ANO3: variants seen among roughly 807,000 people sequenced by gnomAD.
The protein encoded by ANO3 is anoctamin-3.
In ANO3, 99 loss-of-function variants were observed where a neutral mutation model predicts 144.8. The observed-to-expected ratio is 0.68, with a 90% CI of 0.58 to 0.81. The LOEUF (loss-of-function observed/expected upper bound fraction) is 0.81. Among genes scored for constraint, ANO3 ranks in the 30% least tolerant of loss-of-function variants. The probability of loss-of-function intolerance (pLI) is 0.00; values close to 1 mark genes in which losing one functional copy is unlikely to be tolerated. For synonymous variants in ANO3, 414 were observed against 392.6 expected (o/e 1.05, Z -0.64); for missense variants, 905 against 1,202.2 (o/e 0.75, Z 3.66).
exon 1 of ANO3, among the ~76,000 whole-genome samples, chr11:26,188,896 G>A (rs35688550): frequency 0.34 from 51,621 of 151,950 alleles, 9,186 homozygotes; most frequent in Non-Finnish European, 0.38. Context: ...AGATGGGATA[G>A]GTGCTGCTGT....
intron 1 of ANO3, among the ~76,000 whole-genome samples, chr11:26,296,440 G>A (rs1281089512): frequency 6.6e-6 from 1 of 152,208 alleles, no homozygotes; most frequent in Non-Finnish European, 1.5e-5. Context: ...CTCAGATCAT[G>A]TCTCTCTTTT....
upstream of ANO3, among the ~76,000 whole-genome samples, chr11:26,330,874 CT>C (rs1478617342): frequency 6.6e-6 from 1 of 152,118 alleles, no homozygotes; most frequent in East Asian, 1.9e-4. Flanking sequence ...TATTTTTTAT[CT>C]GCTTTTATTT....
chr11:26,349,843 C>A (rs765080914), intron 1 of ANO3, among the ~76,000 whole-genome samples: 1 of 152,142 alleles, frequency 6.6e-6, no homozygotes, highest in African/African-American at 2.4e-5. Context: ...CTACCACGCC[C>A]GGCCGAGAAT....
At chr11:26,491,513 G>T (rs1860707104) in intron 4 of ANO3, among the ~76,000 whole-genome samples, 1 of 152,128 alleles carries the variant, frequency 6.6e-6, no homozygotes, top group African/African-American at 2.4e-5. Context: ...ATCTGCCTCT[G>T]AGCAAGGGAA....
At position 26,599,553 on chromosome 11, in the gene ANO3, T is replaced by C. The variant is rs370412083; in HGVS notation, c.1675T>C (p.Ser559Pro). ...VSVSGIFFMI[S>P]LVITAVFGVV... Reference sequence around the variant, plus strand: ...TTTCTGGTGTCCAATATTGTAGATATCCTTGGTGATCACTGCAGTGTTTGG... The same window carrying C: ...TTTCTGGTGTCCAATATTGTAGATACCCTTGGTGATCACTGCAGTGTTTGG... Residue 559 changes from serine (S) to proline (P), a missense_variant, in exon 17 of 27, where the codon TCC (serine) becomes CCC (proline). Transcript: ENST00000256737. The C allele has an allele frequency of 1.6e-5, 26 of 1,612,302 alleles. No homozygotes were observed. Among genetic ancestry groups the C allele is most frequent in the African/African-American group, 2.7e-5 (2 of 74,898 alleles).
At chr11:26,314,667 C>T (rs573699798) in intron 1 of ANO3, among the ~76,000 whole-genome samples, 7 of 152,270 alleles carry the variant, frequency 4.6e-5, no homozygotes, top group Admixed American at 1.3e-4. Context: ...GCTGTCATCC[C>T]ACTCTGTTGG....
chr11:26,305,135 G>A (rs545988844), upstream of ANO3, among the ~76,000 whole-genome samples: 17 of 146,310 alleles, frequency 1.2e-4, no homozygotes, highest in South Asian at 4.3e-4. Flanking sequence ...ATTCCAAACC[G>A]ATTCATTAGC....
intron 5 of ANO3, chr11:26,508,526 A>G (rs1027504047): frequency 5.2e-6 from 2 of 385,996 alleles, no homozygotes; most frequent in South Asian, 1.4e-4. Context: ...GATTATAGTT[A>G]TGTCAAGTAG....
intron 3 of ANO3, among the ~76,000 whole-genome samples, chr11:26,459,381 G>A (rs1859288999): frequency 6.6e-6 from 1 of 152,050 alleles, no homozygotes; most frequent in African/African-American, 2.4e-5. Context: ...AGAATCGAAT[G>A]GACTTCTGTT....
Position 26,656,486 on chromosome 11 carries a change from G to T in ANO3, c.2763+5G>T. Reference sequence around the variant, plus strand: ...GCCTTCATTATTGTGTTTGAGGTTAGTCACAAGCTGAGATGAAAATTACTA... The same window carrying T: ...GCCTTCATTATTGTGTTTGAGGTTATTCACAAGCTGAGATGAAAATTACTA... On this transcript the variant is annotated splice_donor_5th_base_variant and intron_variant, in intron 26 of 26. Coordinates refer to ENST00000256737, the MANE Select transcript of ANO3 (RefSeq NM_031418.4). 1.3e-6 allele frequency: 2 copies of T among 1,545,558 alleles called. No individual in the cohort carries two copies. The highest frequency in any genetic ancestry group is 1.8e-6 in the Non-Finnish European group (2 of 1,119,714).
At chr11:26,554,299 C>T (rs938310180) in intron 13 of ANO3, among the ~76,000 whole-genome samples, 1 of 152,060 alleles carries the variant, frequency 6.6e-6, no homozygotes, top group Non-Finnish European at 1.5e-5. Flanking sequence ...TCCATAATAT[C>T]TATACCCTGT....
intron 1 of ANO3, among the ~76,000 whole-genome samples, chr11:26,348,757 T>TA (rs1431542847): frequency 6.6e-6 from 1 of 152,218 alleles, no homozygotes; most frequent in Non-Finnish European, 1.5e-5. Context: ...AGGGTTGTGG[T>TA]AAAAAACATC....
chr11:26,634,913 C>T (rs1417525748), intron 19 of ANO3, 100 bp from the exon 20 acceptor site: 1 of 881,956 alleles, frequency 1.1e-6, no homozygotes. Context: ...CACCAGTGAG[C>T]GTTTATGTCT....
intron 13 of ANO3, among the ~76,000 whole-genome samples, chr11:26,556,687 G>T (rs1263647794): frequency 1.3e-5 from 2 of 152,034 alleles, no homozygotes; most frequent in Non-Finnish European, 1.5e-5. Flanking sequence ...CATTTTTTAT[G>T]TAGCTTCTGC....
chr11:26,276,079 T>G (rs939373713), intron 1 of ANO3, among the ~76,000 whole-genome samples: 9 of 152,164 alleles, frequency 5.9e-5, no homozygotes, highest in Non-Finnish European at 1.3e-4. Flanking sequence ...CCTTGCTTGC[T>G]TGATGAAAGT....
chr11:26,339,070 T>C (rs1855278001), intron 1 of ANO3, among the ~76,000 whole-genome samples: 1 of 152,206 alleles, frequency 6.6e-6, no homozygotes, highest in African/African-American at 2.4e-5. Flanking sequence ...GAGGTTAAGA[T>C]AACTTACATG....
At chr11:26,544,281 TACACACACACAC>T (rs34866679) in intron 11 of ANO3, among the ~76,000 whole-genome samples, 93 of 86,782 alleles carry the variant, frequency 1.1e-3, no homozygotes, top group East Asian at 1.5e-3. Flanking sequence ...TATACACACA[TACACACACACAC>T]ACACATATGT....
chr11:26,441,123 T>TGTTTTG (rs1554954663), intron 1 of ANO3, among the ~76,000 whole-genome samples: 2 of 123,582 alleles, frequency 1.6e-5, no homozygotes, highest in African/African-American at 3.2e-5. Context: ...TTTTTTTTTT[T>TGTTTTG]TTTTTTTTTT....
intron 14 of ANO3, among the ~76,000 whole-genome samples, chr11:26,596,866 G>C (rs1851644268): frequency 6.6e-6 from 1 of 152,324 alleles, no homozygotes; most frequent in Admixed American, 6.5e-5. Context: ...CAGGACGACA[G>C]CTTTCTGCCT....
Sources: allele counts gnomAD v4.1 joint callset (sites outside exome capture counted in the v4.1 genomes callset), GRCh38; gene constraint gnomAD v4.1.1; transcripts MANE v1.5; gene names NCBI Gene and HGNC (gene_info 2026-07-23, HGNC 2026-07-21).